CD200R1: variants seen among roughly 807,000 people sequenced by gnomAD.
CD200R1 encodes CD200 receptor 1, also known as cell surface glycoprotein CD200 receptor 1.
A neutral mutation model predicts 38.1 loss-of-function variants in CD200R1; 30 were observed. The observed-to-expected ratio is 0.79, with a 90% CI of 0.59 to 1.07. The LOEUF is 1.07. Ranked by LOEUF, CD200R1 falls within the 50% of genes least tolerant of loss-of-function variation. The pLI is 0.00. For synonymous variants in CD200R1, 128 were observed against 152.1 expected, an observed-to-expected ratio of 0.84 and a Z score of 1.16; for missense variants, 372 against 415.4, an observed-to-expected ratio of 0.90 and a Z score of 0.91.
In CD200R1 at chr3:112,967,318, T is replaced by C. The variant is rs16860290; in HGVS notation, c.67+7473A>G. Among the ~76,000 whole-genome samples the C allele has an allele frequency of 4.9e-3, 749 of 152,232 alleles. 6 individuals are homozygous for C. Among genetic ancestry groups the C allele is most frequent in the African/African-American group, 0.017 (690 of 41,516 alleles). ...ATAGTTTAGCTCCCTCTGTCCTTCA[T>C]TAAGCCTGTTTGACCTGCCTGGAAT... On this transcript the variant is annotated intron_variant, in intron 1 of 7. Coordinates refer to ENST00000308611, the MANE Select transcript of CD200R1 (RefSeq NM_138806.4).
At chr3:112,930,996 T>C in intron 3 of CD200R1, 110 bp downstream of exon 3, 1 of 746,156 alleles carries the variant, frequency 1.3e-6, no homozygotes, top group Non-Finnish European at 2.4e-6. Flanking sequence ...GATCACCAAG[T>C]TCTTCAAGTA....
At chr3:112,935,520 A>G (rs1940554709) in intron 2 of CD200R1, among the ~76,000 whole-genome samples, 1 of 152,234 alleles carries the variant, frequency 6.6e-6, no homozygotes, top group African/African-American at 2.4e-5. Flanking sequence ...AAGTTTAAGA[A>G]TTTCTTGAAA....
intron 3 of CD200R1, among the ~76,000 whole-genome samples, chr3:112,930,209 AT>A (rs1940395108): frequency 6.6e-6 from 1 of 152,004 alleles, no homozygotes; most frequent in African/African-American, 2.4e-5. Flanking sequence ...AGAAATATTT[AT>A]TTCTTGTGAA....
chr3:112,933,060 C>T (rs1432334072), intron 2 of CD200R1, among the ~76,000 whole-genome samples: 3 of 152,130 alleles, frequency 2.0e-5, no homozygotes, highest in Non-Finnish European at 2.9e-5. Flanking sequence ...AACAGCACAG[C>T]AGGCATGCCC....
chr3:112,973,982 TAC>T, intron 1 of CD200R1, among the ~76,000 whole-genome samples: 1 of 152,262 alleles, frequency 6.6e-6, no homozygotes, highest in East Asian at 1.9e-4. Flanking sequence ...TGAAGATAAA[TAC>T]AGACATACAT....
chr3:112,945,364 G>T lies in CD200R1; in HGVS notation c.136+2492C>A, dbSNP rs559008550. Among the ~76,000 whole-genome samples the T allele has an allele frequency of 2.0e-5, 3 of 152,260 alleles. No individual in the cohort carries two copies. In the South Asian group the frequency reaches 6.2e-4, roughly 32 times the overall value. On this transcript the variant is annotated intron_variant, in intron 2 of 7. Transcript: ENST00000308611. ...TCAAGTCAGTATTTTATTAGCAAAA[G>T]AAGAGCTAAATAAGTAAATGAAACC... is the stretch of plus-strand genomic sequence containing the variant.
intron 1 of CD200R1, among the ~76,000 whole-genome samples, chr3:112,956,734 CA>C (rs1941108167): frequency 6.6e-6 from 1 of 152,120 alleles, no homozygotes; most frequent in African/African-American, 2.4e-5. Context: ...TCACTGTGGC[CA>C]TTGGAGCACT....
At chr3:112,926,029 G>GT (rs1411983814) in intron 5 of CD200R1, among the ~76,000 whole-genome samples, 3 of 152,058 alleles carry the variant, frequency 2.0e-5, no homozygotes, top group Non-Finnish European at 4.4e-5. Flanking sequence ...ATAGCAGAGT[G>GT]TTTCTCCCCT....
chr3:112,956,207 C>CT (rs545977634), intron 1 of CD200R1, among the ~76,000 whole-genome samples: 4 of 151,860 alleles, frequency 2.6e-5, no homozygotes, highest in East Asian at 1.9e-4. Flanking sequence ...TCTTTTCATT[C>CT]TTTTTTTTCT....
chr3:112,939,626 A>G (rs1041445552), intron 2 of CD200R1, among the ~76,000 whole-genome samples: 1 of 151,780 alleles, frequency 6.6e-6, no homozygotes, highest in Non-Finnish European at 1.5e-5. Context: ...ACAACACTGC[A>G]GAAAGAAATT....
intron 5 of CD200R1, among the ~76,000 whole-genome samples, chr3:112,926,158 C>T (rs906507835): frequency 6.6e-6 from 1 of 152,184 alleles, no homozygotes; most frequent in Non-Finnish European, 1.5e-5. Context: ...TATTTATTAG[C>T]TGCTGGCAGC....
intron 5 of CD200R1, among the ~76,000 whole-genome samples, chr3:112,926,928 C>T (rs1254273824): frequency 6.6e-6 from 1 of 151,994 alleles, no homozygotes; most frequent in Non-Finnish European, 1.5e-5. Flanking sequence ...ACACAAAACT[C>T]CAGGAAAACT....
At chr3:112,960,412 G>C (rs867595139) in intron 1 of CD200R1, among the ~76,000 whole-genome samples, 2 of 151,958 alleles carry the variant, frequency 1.3e-5, no homozygotes, top group African/African-American at 4.8e-5. Flanking sequence ...AATCATGTTT[G>C]TTACTTATGA....
At position 112,928,873 on chromosome 3, in the gene CD200R1, TCACGGTAGA is replaced by T; in HGVS notation, c.703_711del (p.Ser235_Val237del). 1 of 1,613,730 alleles carries T rather than the reference TCACGGTAGA, an allele frequency of 6.2e-7. No homozygotes were observed. The highest frequency in any genetic ancestry group is 8.5e-7 in the Non-Finnish European group (1 of 1,179,966). Reference sequence around the variant, plus strand: ...CCAGTCAAATGGGAGACGTGGCAGGTCACGGTAGACACATTGTGGACCTCCCAGTGGCAT... The same window carrying T: ...CCAGTCAAATGGGAGACGTGGCAGGTCACATTGTGGACCTCCCAGTGGCAT... On this transcript the variant is annotated inframe_deletion, in exon 5 of 8. Coordinates refer to ENST00000308611, the MANE Select transcript of CD200R1 (RefSeq NM_138806.4).
chr3:112,949,592 T>C (rs1017321240), intron 1 of CD200R1, among the ~76,000 whole-genome samples: 1 of 152,234 alleles, frequency 6.6e-6, no homozygotes, highest in African/African-American at 2.4e-5. Context: ...CTGCTTCAGT[T>C]ACCCAATTAT....
At position 112,947,893 on chromosome 3, in the gene CD200R1, T is replaced by C. The variant is rs1940898407; in HGVS notation, c.99A>G (p.Ser33=). ...EAEGAAQPNN[S]LMLQTSKENH... is the part of the protein sequence containing the mutation. ...TCTCCTTGCTAGTTTGCAGCATTAA[T>C]GAGTTGTTTGGTTGAGCAGCACCCT... is the stretch of plus-strand genomic sequence containing the variant. Residue 33 remains serine, a synonymous_variant, in exon 2 of 8, where the codon TCA becomes TCG. Coordinates refer to ENST00000308611, the MANE Select transcript of CD200R1 (RefSeq NM_138806.4). 1 of 1,613,296 alleles carries C rather than the reference T, an allele frequency of 6.2e-7. No homozygotes were observed. The highest frequency in any genetic ancestry group is 2.2e-5 in the East Asian group (1 of 44,864).
chr3:112,942,743 T>G (rs531988351), intron 2 of CD200R1, among the ~76,000 whole-genome samples: 162 of 150,928 alleles, frequency 1.1e-3, no homozygotes, highest in African/African-American at 3.7e-3. Context: ...TCTAAAGAGA[T>G]ATATATATAT....
At chr3:112,928,782 A>G in intron 5 of CD200R1, 34 bp downstream of exon 5, 3 of 1,512,968 alleles carry the variant, frequency 2.0e-6, no homozygotes, top group Non-Finnish European at 2.7e-6. Context: ...AAGAATGGAA[A>G]AAAATAAAAA....
chr3:112,973,626 T>G (rs1933363334), intron 1 of CD200R1, among the ~76,000 whole-genome samples: 1 of 152,072 alleles, frequency 6.6e-6, no homozygotes, highest in Non-Finnish European at 1.5e-5. Context: ...AGTCAAAGAG[T>G]GTAGTTATTT....
Sources: gnomAD v4.1 joint callset for allele counts (sites outside exome capture counted in the v4.1 genomes callset) on GRCh38, gnomAD v4.1.1 for gene constraint, MANE v1.5 for transcripts, NCBI Gene and HGNC (gene_info 2026-07-23, HGNC 2026-07-21) for gene names.